Variants in SLC5A6 observed in about 807,000 individuals in gnomAD.
The protein encoded by SLC5A6 is solute carrier family 5 member 6, also known as sodium-dependent multivitamin transporter.
SLC5A6 carries 31 observed loss-of-function variants against 67.9 expected under a neutral mutation model. The ratio of observed to expected loss-of-function variants is 0.46; its 90% CI spans 0.34 to 0.62. The LOEUF (loss-of-function observed/expected upper bound fraction) is 0.62. SLC5A6 is among the 20% of genes least tolerant of loss of function. The pLI is 0.01. For missense variants in SLC5A6, 673 were observed against 812.8 expected (o/e 0.83, Z 2.09); for synonymous variants, 343 against 331.0 (o/e 1.04, Z -0.39).
At position 27,207,147 on chromosome 2, in the gene SLC5A6, C is replaced by A. The variant is rs200828301; in HGVS notation, c.393+111G>T. On this transcript the variant is annotated intron_variant, in intron 3 of 16. Coordinates refer to ENST00000310574, the MANE Select transcript of SLC5A6 (RefSeq NM_021095.4). This position sits in a 1 kb window ranked among gnomAD's most constrained non-coding sequence, Gnocchi z 5.5. Reference sequence around the variant, plus strand: ...TATAAACACACAATGAGTTTTCTGTCCCTCTCATTAGGTGGAGGAGGTCTA... The same window carrying A: ...TATAAACACACAATGAGTTTTCTGTACCTCTCATTAGGTGGAGGAGGTCTA... The A allele has an allele frequency of 3.9e-5, 46 of 1,191,850 alleles. No homozygotes were observed. The East Asian group carries it at 1.1e-3, about 28-fold the overall frequency. The allele number at this position is 1,191,850 out of a possible 1,614,324, so 73.8% of individuals were successfully genotyped here. A position where few individuals can be genotyped will look rare whatever the true frequency, so the allele number is the denominator to read the frequency against.
At chr2:27,202,272 C>T (rs1183487831) in intron 12 of SLC5A6, among the ~76,000 whole-genome samples, 198 bp from the exon 13 acceptor site, 7 of 151,868 alleles carry the variant, frequency 4.6e-5, no homozygotes, top group South Asian at 2.1e-4. Flanking sequence ...GAGGCCGAGG[C>T]GGGAGGATCA....
chr2:27,205,879 T>C, intron 6 of SLC5A6, 147 bp downstream of exon 6: 1 of 684,906 alleles, frequency 1.5e-6, no homozygotes, highest in Non-Finnish European at 2.6e-6. Flanking sequence ...TCCCCACTGC[T>C]AAATCCTATC....
At chr2:27,209,506 G>A (rs1184345470) in intron 2 of SLC5A6, among the ~76,000 whole-genome samples, 4 of 152,114 alleles carry the variant, frequency 2.6e-5, no homozygotes, top group African/African-American at 7.2e-5. Context: ...CTTGCTCAAG[G>A]TTATGCAGCA....
chr2:27,211,971 CCCCCTG>C (rs1674556734), intron 1 of SLC5A6, 43 bp downstream of exon 1: 1 of 528,174 alleles, frequency 1.9e-6, no homozygotes, highest in African/African-American at 2.3e-5. Context: ...GGGGGCCCCG[CCCCCTG>C]CCCGCCCCCT....
intron 2 of SLC5A6, among the ~76,000 whole-genome samples, chr2:27,210,788 C>A (rs1295850472): frequency 1.3e-5 from 2 of 151,938 alleles, no homozygotes; most frequent in African/African-American, 2.4e-5. Flanking sequence ...CTTTGGGAGG[C>A]CGAGGCGGGC....
intron 11 of SLC5A6, 142 bp downstream of exon 11, chr2:27,203,091 A>G (rs1673778275): frequency 4.7e-6 from 7 of 1,503,754 alleles, no homozygotes; most frequent in Non-Finnish European, 5.3e-6. Flanking sequence ...GGAAACAACC[A>G]TGCATGCAGG....
At position 27,200,316 on chromosome 2, in the gene SLC5A6, AT is replaced by A. The variant is rs768977463; in HGVS notation, c.*119del. The A allele has an allele frequency of 2.5e-5, 24 of 956,042 alleles. No homozygotes were observed. The highest frequency in any genetic ancestry group is 3.6e-5 in the Non-Finnish European group (24 of 665,866). The allele number at this position is 956,042 out of a possible 1,614,324, so 59.2% of individuals were successfully genotyped here. A position where few individuals can be genotyped will look rare whatever the true frequency, so the allele number is the denominator to read the frequency against. The stretch of plus-strand genomic sequence containing the variant: ...ACCTCTCAGAACAAGGTCCTTTGGT[AT>A]GAGCTAGATCATCCAGGCCTGTCCC... On this transcript the variant is annotated 3_prime_UTR_variant, in exon 17 of 17. Coordinates refer to ENST00000310574, the MANE Select transcript of SLC5A6 (RefSeq NM_021095.4).
intron 2 of SLC5A6, among the ~76,000 whole-genome samples, chr2:27,211,094 C>G (rs1674459508): frequency 6.6e-6 from 1 of 152,230 alleles, no homozygotes; most frequent in Non-Finnish European, 1.5e-5. Flanking sequence ...ATCGCATTGA[C>G]TCCTACAAAA....
At chr2:27,205,148 C>T in intron 7 of SLC5A6, 1 of 703,636 alleles carries the variant, frequency 1.4e-6, no homozygotes, top group Admixed American at 2.9e-5. Context: ...GTACTCATCC[C>T]AGGTAATGTC....
intron 7 of SLC5A6, 111 bp from the exon 8 acceptor site, chr2:27,205,042 C>A: frequency 1.6e-6 from 2 of 1,279,540 alleles, no homozygotes; most frequent in Non-Finnish European, 2.2e-6. Flanking sequence ...CTGCTAGGGC[C>A]AAGGGGGACA....
At chr2:27,203,032 T>G in intron 11 of SLC5A6, 152 bp from the exon 12 acceptor site, 1 of 1,500,212 alleles carries the variant, frequency 6.7e-7, no homozygotes, top group East Asian at 2.4e-5. Context: ...TCCCACCAAG[T>G]CCTCACTCCT....
At position 27,203,277 on chromosome 2, in the gene SLC5A6, G is replaced by A; in HGVS notation, c.1163C>T (p.Pro388Leu). 8 of 1,614,138 alleles carry A rather than the reference G, an allele frequency of 5.0e-6. No individual in the cohort carries two copies. The highest frequency in any genetic ancestry group is 6.8e-6 in the Non-Finnish European group (8 of 1,180,004). The part of the protein sequence containing the change: ...TMEDLIRPWF[P>L]EFSEARAIML... ...GATGGCCCGGGCTTCAGAGAACTCAGGGAACCAAGGTCGAATCAGGTCTTC... is the reference window on the plus strand; with the variant it reads ...GATGGCCCGGGCTTCAGAGAACTCAAGGAACCAAGGTCGAATCAGGTCTTC... Residue 388 changes from proline (P) to leucine (L), a missense_variant, in exon 11 of 17, where the codon CCT (proline) becomes CTT (leucine). Transcript: ENST00000310574.
At chr2:27,204,367 T>G (rs1572389178) in intron 9 of SLC5A6, 94 bp downstream of exon 9, 5 of 1,393,374 alleles carry the variant, frequency 3.6e-6, no homozygotes, top group Non-Finnish European at 1.9e-6. Flanking sequence ...CCACCCAGGG[T>G]GGGAGTCCTT....
At chr2:27,202,142 A>G (rs1208889723) in intron 12 of SLC5A6, 68 bp from the exon 13 acceptor site, 2 of 1,107,464 alleles carry the variant, frequency 1.8e-6, no homozygotes, top group African/African-American at 3.1e-5. Flanking sequence ...CTCACCATAA[A>G]GCATAGCCAC....
At chr2:27,211,220 T>C (rs1415076155) in intron 2 of SLC5A6, among the ~76,000 whole-genome samples, 1 of 152,152 alleles carries the variant, frequency 6.6e-6, no homozygotes, top group East Asian at 1.9e-4. Context: ...AAAATGCTAA[T>C]AGCTACTAAC....
In SLC5A6 at chr2:27,206,175, C is replaced by T. The variant is rs1470902212; in HGVS notation, c.512-82G>A. ...CCCTGGTAGGGCAATCACGTCATGC[C>T]ACAGAGATAAAGCATTGGTCATTAA... On this transcript the variant is annotated intron_variant, in intron 5 of 16. Transcript: ENST00000310574. The T allele has an allele frequency of 2.1e-5, 25 of 1,165,002 alleles. No homozygotes were observed. In the East Asian group the frequency reaches 5.6e-4, roughly 26 times the overall value. The allele number at this position is 1,165,002 out of a possible 1,614,324, so 72.2% of individuals were successfully genotyped here. A position where few individuals can be genotyped will look rare whatever the true frequency, so the allele number is the denominator to read the frequency against.
At position 27,200,067 on chromosome 2, in the gene SLC5A6, G is replaced by T; in HGVS notation, c.*369C>A. On this transcript the variant is annotated 3_prime_UTR_variant, in exon 17 of 17. Transcript: ENST00000310574. Reference sequence around the variant, plus strand: ...AGAGTCAGTCCTGAATCAGGCCCTGGGGCAATTATAACCAGAGTGCTGTTT... The same window carrying T: ...AGAGTCAGTCCTGAATCAGGCCCTGTGGCAATTATAACCAGAGTGCTGTTT... 6.0e-6 allele frequency: 1 copy of T among 167,770 alleles called. No individual in the cohort carries two copies. The highest frequency in any genetic ancestry group is 1.3e-5 in the Non-Finnish European group (1 of 77,868). The allele number at this position is 167,770 out of a possible 1,614,324, so 10.4% of individuals were successfully genotyped here. A position where few individuals can be genotyped will look rare whatever the true frequency, so the allele number is the denominator to read the frequency against.
chr2:27,201,355 A>G lies in SLC5A6; in HGVS notation c.1643T>C (p.Leu548Pro). 1 of 1,601,380 alleles carries G rather than the reference A, an allele frequency of 6.2e-7. No individual in the cohort carries two copies. Among genetic ancestry groups the G allele is most frequent in the Non-Finnish European group, 8.6e-7 (1 of 1,168,358 alleles). ...VIVVGLIVSLLTGRMRGRSLN... is the reference protein window; with the variant it reads ...VIVVGLIVSLPTGRMRGRSLN... ...CCGCAATCCCACACCCTTACCAGTG[A>G]GTAGACTGACAATCAGGCCCACCAC... The change falls in exon 15 of 17, where the codon CTC becomes CCC. Residue 548 changes from leucine to proline, a missense_variant. Coordinates refer to ENST00000310574, the MANE Select transcript of SLC5A6 (RefSeq NM_021095.4).
intron 7 of SLC5A6, 94 bp downstream of exon 7, chr2:27,205,256 T>C: frequency 7.7e-7 from 1 of 1,305,492 alleles, no homozygotes. Flanking sequence ...GGCTTCCCAG[T>C]TTACCTTCTG....
Sources: allele counts gnomAD v4.1 joint callset (sites outside exome capture counted in the v4.1 genomes callset), GRCh38; gene constraint gnomAD v4.1.1; non-coding constraint Gnocchi (gnomAD v3.1); transcripts MANE v1.5; gene names NCBI Gene and HGNC (gene_info 2026-07-23, HGNC 2026-07-21).